Variants in XRCC4 observed in about 807,000 individuals in gnomAD.
XRCC4 encodes the protein X-ray repair cross complementing 4, also known as DNA repair protein XRCC4.
A neutral mutation model predicts 39.1 loss-of-function variants in XRCC4; 28 were observed. The observed-to-expected ratio is 0.72, with a 90% confidence interval of 0.53 to 0.98. The LOEUF is 0.98. XRCC4 is among the 50% of genes least tolerant of loss of function. XRCC4 has a pLI of 0.00. For synonymous variants in XRCC4, 123 were observed against 126.4 expected (o/e 0.97, Z 0.18); for missense variants, 350 against 376.4 (o/e 0.93, Z 0.58).
chr5:83,157,623 T>C (rs1431387212), intron 3 of XRCC4, among the ~76,000 whole-genome samples: 1 of 152,074 alleles, frequency 6.6e-6, no homozygotes, highest in African/African-American at 2.4e-5. Context: ...AGATAGAATA[T>C]ATGCTATTAA....
chr5:83,301,381 G>A (rs537554244), intron 7 of XRCC4, among the ~76,000 whole-genome samples: 1 of 152,266 alleles, frequency 6.6e-6, no homozygotes, highest in East Asian at 1.9e-4. Context: ...GTCTTCTTTT[G>A]AGAAGTGTCT....
At chr5:83,098,084 A>C (rs1745762564) in intron 1 of XRCC4, among the ~76,000 whole-genome samples, 1 of 152,160 alleles carries the variant, frequency 6.6e-6, no homozygotes, top group Non-Finnish European at 1.5e-5. Flanking sequence ...AATGATTATT[A>C]ATGGTATTTG....
the XRCC4 span, among the ~76,000 whole-genome samples, chr5:83,359,046 G>T: frequency 6.6e-6 from 1 of 151,708 alleles, no homozygotes; most frequent in Non-Finnish European, 1.5e-5. Context: ...TCCATCACTT[G>T]CTGTTTCCTA....
intron 1 of XRCC4, among the ~76,000 whole-genome samples, chr5:83,088,900 A>G (rs980239554): frequency 2.6e-5 from 4 of 152,210 alleles, no homozygotes; most frequent in Non-Finnish European, 5.9e-5. Flanking sequence ...GTGCTATTTC[A>G]GAATCCTTTG....
intron 1 of XRCC4, among the ~76,000 whole-genome samples, chr5:83,097,152 T>C (rs1561322885): frequency 2.0e-5 from 3 of 152,116 alleles, no homozygotes; most frequent in Admixed American, 6.6e-5. Flanking sequence ...GACTGAGAAA[T>C]TGAAGCGTGG....
In XRCC4 at chr5:83,330,604, CA is replaced by C. The variant is rs138433245; in HGVS notation, c.894-22526del. On this transcript the variant is annotated intron_variant, in intron 7 of 7. Coordinates refer to ENST00000396027, the MANE Select transcript of XRCC4 (RefSeq NM_003401.5). ...AGAGGGTTATACTTATGTGGAGAGG[CA>C]GGGGGAGCAGATTGGATATAACTAC... Among the ~76,000 whole-genome samples the C allele has an allele frequency of 7.3e-3, 1,104 of 151,948 alleles. 12 individuals carry two copies. Among genetic ancestry groups the C allele is most frequent in the African/African-American group, 0.025 (1,028 of 41,456 alleles).
rs70973380 is a variant in XRCC4, at chr5:83,127,559, GT to G, written c.315+16365del. Among the ~76,000 whole-genome samples the G allele has an allele frequency of 2.0e-5, 3 of 150,484 alleles. 1 individual carries two copies. Among genetic ancestry groups the G allele is most frequent in the East Asian group, 2.0e-4 (1 of 5,088 alleles). ...AGTCCATTAAACCGTTTTTGTTTTT[GT>G]TTTTTTTTAAATAAATTACCCAGTC... On this transcript the variant is annotated intron_variant, in intron 3 of 7. Transcript: ENST00000396027.
the XRCC4 span, among the ~76,000 whole-genome samples, chr5:83,364,172 A>G: frequency 6.6e-6 from 1 of 152,204 alleles, no homozygotes; most frequent in Non-Finnish European, 1.5e-5. Flanking sequence ...ACTAAGAGCT[A>G]TAGAATATCC....
At chr5:83,191,429 G>A (rs1371174363) in intron 3 of XRCC4, among the ~76,000 whole-genome samples, 2 of 152,198 alleles carry the variant, frequency 1.3e-5, no homozygotes, top group South Asian at 4.1e-4. Flanking sequence ...GAGTGTCCGG[G>A]CACAGTGGCC....
intron 7 of XRCC4, among the ~76,000 whole-genome samples, chr5:83,298,535 A>C (rs1002376479): frequency 1.3e-5 from 2 of 151,944 alleles, no homozygotes; most frequent in African/African-American, 4.8e-5. Flanking sequence ...ATATAGCCAC[A>C]TGAGCATTCT....
At chr5:83,350,641 G>A (rs574841649) in intron 7 of XRCC4, among the ~76,000 whole-genome samples, 1 of 152,086 alleles carries the variant, frequency 6.6e-6, no homozygotes, top group Non-Finnish European at 1.5e-5. Flanking sequence ...GTTGATTTAA[G>A]TTCCATATAG....
At chr5:83,221,143 A>G (rs762302648) in intron 6 of XRCC4, among the ~76,000 whole-genome samples, 9 of 152,162 alleles carry the variant, frequency 5.9e-5, no homozygotes, top group Non-Finnish European at 1.2e-4. Flanking sequence ...TAATTCTCCT[A>G]CTAACAATTA....
intron 7 of XRCC4, among the ~76,000 whole-genome samples, chr5:83,332,125 C>T (rs933409245): frequency 6.6e-6 from 1 of 151,992 alleles, no homozygotes; most frequent in Admixed American, 6.6e-5. Context: ...AATAAAGTCC[C>T]AGTTGCACAG....
At chr5:83,195,384 T>C (rs1401452357) in intron 3 of XRCC4, among the ~76,000 whole-genome samples, 1 of 152,200 alleles carries the variant, frequency 6.6e-6, no homozygotes, top group East Asian at 1.9e-4. Flanking sequence ...CATTTTAGCA[T>C]TTACATGAAC....
chr5:83,086,450 T>C (rs894100994), intron 1 of XRCC4, among the ~76,000 whole-genome samples: 1 of 152,216 alleles, frequency 6.6e-6, no homozygotes, highest in African/African-American at 2.4e-5. Flanking sequence ...AAGTAAATGT[T>C]ATTAAGAAAA....
At chr5:83,351,911 T>C (rs369412779) in intron 7 of XRCC4, among the ~76,000 whole-genome samples, 12 of 152,336 alleles carry the variant, frequency 7.9e-5, no homozygotes, top group African/African-American at 2.4e-4. Flanking sequence ...GGGGTTTTCA[T>C]TGGTTATTCT....
intron 6 of XRCC4, among the ~76,000 whole-genome samples, chr5:83,220,304 A>C (rs937572754): frequency 1.1e-4 from 16 of 152,156 alleles, no homozygotes; most frequent in African/African-American, 3.4e-4. Flanking sequence ...TGCAGCAACA[A>C]TTTCTAAATC....
At chr5:83,199,111 C>T (rs1751069588) in intron 4 of XRCC4, among the ~76,000 whole-genome samples, 1 of 152,100 alleles carries the variant, frequency 6.6e-6, no homozygotes, top group African/African-American at 2.4e-5. Context: ...AAATAAAAGA[C>T]CTTGAAAGCT....
Position 83,103,009 on chromosome 5 carries a change from GATAT to G in XRCC4, c.-10-1882_-10-1879del, listed in dbSNP as rs56183616. Among the ~76,000 whole-genome samples the G allele has an allele frequency of 4.9e-4, 52 of 106,452 alleles. 1 individual carries two copies. Among genetic ancestry groups the G allele is most frequent in the Middle Eastern group, 9.3e-3 (2 of 216 alleles). 69.8% of individuals were successfully genotyped at this position (106,452 alleles called of 152,430 possible). A position where few individuals can be genotyped will look rare whatever the true frequency, so the allele number is the denominator to read the frequency against. ...ATAGGGTTCCAGTAAAGATAGAGCT[GATAT>G]ATATATATATATATATATGTCAACA... is the stretch of plus-strand genomic sequence containing the variant. On this transcript the variant is annotated intron_variant, in intron 1 of 7. Transcript: ENST00000396027.
Sources: allele counts gnomAD v4.1 joint callset (sites outside exome capture counted in the v4.1 genomes callset), GRCh38; gene constraint gnomAD v4.1.1; transcripts MANE v1.5; gene names NCBI Gene and HGNC (gene_info 2026-07-23, HGNC 2026-07-21).